SLC29A2: variants seen among roughly 807,000 people sequenced by gnomAD.
SLC29A2 encodes solute carrier family 29 member 2.
Under a neutral mutation model 48.8 loss-of-function variants are expected in SLC29A2, and 37 were observed. The observed-to-expected ratio is 0.76, with a 90% CI of 0.58 to 1.00. The LOEUF is 1.00. Ranked by LOEUF, SLC29A2 falls within the 50% of genes least tolerant of loss-of-function variation. SLC29A2 has a pLI of 0.00. For synonymous variants in SLC29A2, 233 were observed against 261.7 expected (o/e 0.89, Z 1.06); for missense variants, 533 against 578.6 (o/e 0.92, Z 0.81).
chr11:66,366,136 A>G lies in SLC29A2; in HGVS notation c.963T>C (p.Pro321=), dbSNP rs1855677162. ...ITAMVTSSTS[P]GKWSQFFNPI... is the part of the protein sequence containing the mutation. The stretch of plus-strand genomic sequence containing the variant: ...CACCCTGACACTCACTCCACTTCCC[A>G]GGACTGGTGGAGCTGGTCACCATGG... Residue 321 remains proline (P), a synonymous_variant, in exon 9 of 12, where the codon CCT becomes CCC. Transcript: ENST00000357440. 1.2e-6 allele frequency: 2 copies of G among 1,613,770 alleles called. No individual in the cohort carries two copies. Among genetic ancestry groups the G allele is most frequent in the South Asian group, 1.1e-5 (1 of 91,076 alleles).
intron 1 of SLC29A2, 38 bp from the exon 2 acceptor site, chr11:66,371,363 C>G: frequency 4.4e-6 from 7 of 1,601,350 alleles, no homozygotes; most frequent in Non-Finnish European, 6.0e-6. Flanking sequence ...CGAGGACGCA[C>G]CCGCCTCCGC....
chr11:66,366,579 G>C lies in SLC29A2; in HGVS notation c.734-15C>G. The C allele has an allele frequency of 6.2e-7, 1 of 1,612,716 alleles. No homozygotes were observed. The highest frequency in any genetic ancestry group is 8.5e-7 in the Non-Finnish European group (1 of 1,179,798). On this transcript the variant is annotated splice_polypyrimidine_tract_variant and intron_variant, in intron 7 of 11. Transcript: ENST00000357440. ...CCCGTTCTCATCTGGGGTGAGGGGG[G>C]ACGGGGAAGGGTCATGCTTGTGACC...
In SLC29A2 at chr11:66,371,344, A is replaced by C; in HGVS notation, c.30-19T>G. 1 of 1,612,316 alleles carries C rather than the reference A, an allele frequency of 6.2e-7. No individual in the cohort carries two copies. The highest frequency in any genetic ancestry group is 8.5e-7 in the Non-Finnish European group (1 of 1,179,064). ...GTGGTAGCTGTGGGGATCGGTGGGA[A>C]GGTCACCCCGAGGACGCACCCGCCT... On this transcript the variant is annotated intron_variant, in intron 1 of 11. Coordinates refer to ENST00000357440, the MANE Select transcript of SLC29A2 (RefSeq NM_001532.3).
chr11:66,363,290 AGCTCCTGCCC>A lies in SLC29A2; in HGVS notation c.*136_*145del. The A allele has an allele frequency of 1.4e-6, 1 of 707,958 alleles. No individual in the cohort carries two copies. Among genetic ancestry groups the A allele is most frequent in the Non-Finnish European group, 2.6e-6 (1 of 384,180 alleles). 43.9% of individuals were successfully genotyped at this position (707,958 alleles called of 1,614,324 possible). A position where few individuals can be genotyped will look rare whatever the true frequency, so the allele number is the denominator to read the frequency against. The stretch of plus-strand genomic sequence containing the variant: ...ACAGCACTCCAAGTGGATGAAGAGC[AGCTCCTGCCC>A]GCTGCTGGCAGCCTCAGGCCCAGGG... On this transcript the variant is annotated 3_prime_UTR_variant, in exon 12 of 12. Coordinates refer to ENST00000357440, the MANE Select transcript of SLC29A2 (RefSeq NM_001532.3).
At position 66,364,339 on chromosome 11, in the gene SLC29A2, T is replaced by TGGGGCACGTGGCACAGCATGAAGA; in HGVS notation, c.1121_1144dup (p.Leu374_Pro381dup). 1 of 1,613,920 alleles carries TGGGGCACGTGGCACAGCATGAAGA rather than the reference T, an allele frequency of 6.2e-7. No homozygotes were observed. Among genetic ancestry groups the TGGGGCACGTGGCACAGCATGAAGA allele is most frequent in the Non-Finnish European group, 8.5e-7 (1 of 1,179,988 alleles). On this transcript the variant is annotated inframe_insertion, in exon 11 of 12. Transcript: ENST00000357440. ...GAAGAGGATGGGCAGCCGGGACCTC[T>TGGGGCACGTGGCACAGCATGAAGA]GGGGCACGTGGCACAGCATGAAGAG...
At chr11:66,366,872 G>A (rs1474283691) in intron 7 of SLC29A2, among the ~76,000 whole-genome samples, 1 of 152,158 alleles carries the variant, frequency 6.6e-6, no homozygotes, top group Non-Finnish European at 1.5e-5. Context: ...TTGAGCCCAG[G>A]AGGTCGAGGC....
At chr11:66,364,570 T>A (rs1206983090) in intron 10 of SLC29A2, 146 bp from the exon 11 acceptor site, 2 of 626,584 alleles carry the variant, frequency 3.2e-6, no homozygotes, top group Admixed American at 5.8e-5. Context: ...GTGGCCCTGA[T>A]CTCAGCTCAC....
rs746910721 is a variant in SLC29A2, at chr11:66,366,443, A to C, written c.855T>G (p.Thr285=). The C allele has an allele frequency of 1.9e-6, 3 of 1,614,186 alleles. No homozygotes were observed. The highest frequency in any genetic ancestry group is 2.5e-6 in the Non-Finnish European group (3 of 1,180,044). Residue 285 remains threonine (T), a synonymous_variant, in exon 8 of 12, where the codon ACT becomes ACG. Coordinates refer to ENST00000357440, the MANE Select transcript of SLC29A2 (RefSeq NM_001532.3). ...ATCCAAGCCAAACCTTCTGGAAGAC[A>C]GTGAAGACTGAAGGTTTTCCTGGCT... is the stretch of plus-strand genomic sequence containing the variant. ...PQKPGKPSVF[T]VFQKIWLTAL...
chr11:66,364,755 C>T (rs2134995064), intron 10 of SLC29A2: 2 of 237,364 alleles, frequency 8.4e-6, no homozygotes, highest in African/African-American at 2.3e-5. Context: ...GTTCCACCTG[C>T]CTCAGCCTCC....
intron 1 of SLC29A2, 107 bp from the exon 2 acceptor site, chr11:66,371,432 G>A: frequency 6.6e-7 from 1 of 1,504,302 alleles, no homozygotes; most frequent in Non-Finnish European, 9.1e-7. Flanking sequence ...CGATCACCCC[G>A]GTTCCGGCGG....
At chr11:66,367,371 C>A (rs1855759746) in intron 7 of SLC29A2, 93 bp downstream of exon 7, 1 of 1,064,270 alleles carries the variant, frequency 9.4e-7, no homozygotes, top group South Asian at 1.2e-5. Flanking sequence ...TAGGGGTGGG[C>A]TCTGGCTGGG....
chr11:66,365,583 CTT>C (rs1199533712), intron 10 of SLC29A2, among the ~76,000 whole-genome samples: 3 of 152,228 alleles, frequency 2.0e-5, no homozygotes, highest in African/African-American at 7.2e-5. Context: ...TGTATTGTCT[CTT>C]TGGAAGATTT....
intron 10 of SLC29A2, chr11:66,364,838 G>GTGTC (rs1280381288): frequency 3.8e-5 from 7 of 182,638 alleles, no homozygotes; most frequent in Middle Eastern, 2.4e-3. Flanking sequence ...TTGTGTGTGT[G>GTGTC]TGTGTGTACA....
chr11:66,365,859 A>G, intron 10 of SLC29A2, 77 bp downstream of exon 10: 1 of 1,375,194 alleles, frequency 7.3e-7, no homozygotes, highest in Non-Finnish European at 1.0e-6. Context: ...CCAGAAAATC[A>G]CCTCCATGCT....
At chr11:66,368,823 G>A (rs1006907367) in intron 4 of SLC29A2, 152 bp from the exon 5 acceptor site, 21 of 1,167,414 alleles carry the variant, frequency 1.8e-5, no homozygotes, top group African/African-American at 1.2e-4. Context: ...GGCAACACCC[G>A]CTATTCAGTC....
Position 66,366,580 on chromosome 11 carries a change from AC to A in SLC29A2, c.734-17del. 1 of 1,612,394 alleles carries A rather than the reference AC, an allele frequency of 6.2e-7. No individual in the cohort carries two copies. On this transcript the variant is annotated splice_polypyrimidine_tract_variant and intron_variant, in intron 7 of 11. Transcript: ENST00000357440. Reference sequence around the variant, plus strand: ...CCGTTCTCATCTGGGGTGAGGGGGGACGGGGAAGGGTCATGCTTGTGACCCA... The same window carrying A: ...CCGTTCTCATCTGGGGTGAGGGGGGAGGGGAAGGGTCATGCTTGTGACCCA...
Position 66,366,411 on chromosome 11 carries a change from G to A in SLC29A2, c.867+20C>T, listed in dbSNP as rs1166789820. Reference sequence around the variant, plus strand: ...ATTCTTCCCCAAAGATGGTGGTTGGGGGCTGTATCCAAGCCAAACCTTCTG... The same window carrying A: ...ATTCTTCCCCAAAGATGGTGGTTGGAGGCTGTATCCAAGCCAAACCTTCTG... On this transcript the variant is annotated intron_variant, in intron 8 of 11. Coordinates refer to ENST00000357440, the MANE Select transcript of SLC29A2 (RefSeq NM_001532.3). The A allele has an allele frequency of 1.2e-6, 2 of 1,614,028 alleles. No homozygotes were observed. The highest frequency in any genetic ancestry group is 1.1e-5 in the South Asian group (1 of 91,084).
chr11:66,370,764 C>T (rs924866250), intron 2 of SLC29A2, among the ~76,000 whole-genome samples: 1 of 148,656 alleles, frequency 6.7e-6, no homozygotes, highest in African/African-American at 2.5e-5. Flanking sequence ...GAGGGTGAGG[C>T]AGGAGAATGG....
Position 66,367,487 on chromosome 11 carries a change from G to A in SLC29A2, c.710C>T (p.Thr237Ile). The A allele has an allele frequency of 6.2e-7, 1 of 1,614,128 alleles. No homozygotes were observed. Among genetic ancestry groups the A allele is most frequent in the Non-Finnish European group, 8.5e-7 (1 of 1,179,978 alleles). Residue 237 changes from threonine to isoleucine, a missense_variant, in exon 7 of 12, where the codon ACC (threonine) becomes ATC (isoleucine). Thr to Ile is a moderately conservative substitution (Grantham distance 89, BLOSUM62 -1). Transcript: ENST00000357440. ...SSQAQAQELE[T>I]KAELLQSDEN... is the part of the protein sequence containing the mutation. ...ACCAGACTGGAGGAGCTCAGCTTTG[G>A]TCTCCAGCTCCTGAGCTTGGGCCTG... is the stretch of plus-strand genomic sequence containing the variant.
Sources: gnomAD v4.1 joint callset for allele counts (sites outside exome capture counted in the v4.1 genomes callset) on GRCh38, gnomAD v4.1.1 for gene constraint, MANE v1.5 for transcripts, NCBI Gene and HGNC (gene_info 2026-07-23, HGNC 2026-07-21) for gene names.